TANGO6: variants seen among roughly 807,000 people sequenced by gnomAD.
TANGO6 encodes transport and Golgi organization protein 6 homolog.
A neutral mutation model predicts 114.2 loss-of-function variants in TANGO6; 90 were observed. The observed-to-expected ratio is 0.79, with a 90% CI of 0.66 to 0.94. TANGO6 has a LOEUF of 0.94. Among genes scored for constraint, TANGO6 ranks in the 40% least tolerant of loss-of-function variants. The pLI, the probability that TANGO6 is intolerant of heterozygous loss-of-function variation, is 0.00. For missense variants in TANGO6, 1,274 were observed against 1,315.3 expected (o/e 0.97, Z 0.49); for synonymous variants, 477 against 509.8 (o/e 0.94, Z 0.87).
Position 69,084,637 on chromosome 16 carries a change from C to T in TANGO6, c.*976C>T, listed in dbSNP as rs759416625. 6.6e-6 allele frequency: 1 copy of T among 152,320 alleles called. No individual in the cohort carries two copies. Among genetic ancestry groups the T allele is most frequent in the Non-Finnish European group, 1.5e-5 (1 of 68,034 alleles). The allele number at this position is 152,320 out of a possible 1,614,324, so 9.4% of individuals were successfully genotyped here. On this transcript the variant is annotated 3_prime_UTR_variant, in exon 18 of 18. Coordinates refer to ENST00000261778, the MANE Select transcript of TANGO6 (RefSeq NM_024562.2). ...TTTTGATTGCAGCTAAAAGAGATAA[C>T]AGAAAGGAGATACTGGCTGGCTGCT...
intron 1 of TANGO6, among the ~76,000 whole-genome samples, chr16:68,853,445 A>T (rs1961937492): frequency 6.6e-6 from 1 of 151,442 alleles, no homozygotes; most frequent in Non-Finnish European, 1.5e-5. Context: ...ATCATTTCCC[A>T]CTCCTGCTCC....
intron 4 of TANGO6, among the ~76,000 whole-genome samples, chr16:68,874,361 GTTTGC>G (rs1962324619): frequency 6.6e-6 from 1 of 152,152 alleles, no homozygotes; most frequent in African/African-American, 2.4e-5. Flanking sequence ...AGCTCAGTTT[GTTTGC>G]TTCCGTTCTC....
chr16:68,874,224 C>T (rs1311249084), intron 4 of TANGO6, among the ~76,000 whole-genome samples: 3 of 152,164 alleles, frequency 2.0e-5, no homozygotes, highest in African/African-American at 7.2e-5. Context: ...CTGAAAATTC[C>T]AGCTGCTTTG....
At chr16:69,074,484 C>T (rs78461450) in intron 17 of TANGO6, among the ~76,000 whole-genome samples, 3,440 of 152,136 alleles carry the variant, frequency 0.023, 55 homozygotes, top group Non-Finnish European at 0.034. Context: ...ACCCTAGATA[C>T]AATACTCGTA....
intron 17 of TANGO6, among the ~76,000 whole-genome samples, chr16:69,052,269 CTTT>C (rs34982291): frequency 2.0e-4 from 25 of 122,322 alleles, no homozygotes; most frequent in Admixed American, 2.6e-4. Context: ...TTTTTCTTTT[CTTT>C]TTTTTTTTTT....
chr16:68,947,292 A>G (rs1963423587), intron 14 of TANGO6, among the ~76,000 whole-genome samples: 1 of 152,014 alleles, frequency 6.6e-6, no homozygotes, highest in African/African-American at 2.4e-5. Context: ...CGTCTCTACT[A>G]AAATTACAAA....
intron 17 of TANGO6, among the ~76,000 whole-genome samples, chr16:69,049,875 C>A (rs908917398): frequency 6.6e-6 from 1 of 152,054 alleles, no homozygotes; most frequent in African/African-American, 2.4e-5. Context: ...GCCACCACAC[C>A]CTGCCTGGCT....
At chr16:69,049,143 C>T (rs2152236665) in intron 17 of TANGO6, among the ~76,000 whole-genome samples, 1 of 152,228 alleles carries the variant, frequency 6.6e-6, no homozygotes, top group Middle Eastern at 3.4e-3. Context: ...GCAATTTTAG[C>T]ATATTCATAA....
chr16:69,013,130 T>TA (rs916515413), intron 15 of TANGO6, among the ~76,000 whole-genome samples: 2 of 152,036 alleles, frequency 1.3e-5, no homozygotes, highest in African/African-American at 4.8e-5. Context: ...TTTTTTTTTT[T>TA]AATAGGTTAG....
intron 17 of TANGO6, among the ~76,000 whole-genome samples, chr16:69,073,976 A>G (rs79028318): frequency 2.0e-5 from 3 of 149,316 alleles, no homozygotes; most frequent in Non-Finnish European, 3.0e-5. Flanking sequence ...AAAAAAAAAA[A>G]GGCACTCGGG....
intron 15 of TANGO6, among the ~76,000 whole-genome samples, chr16:69,004,603 C>T (rs966323029): frequency 6.6e-6 from 1 of 152,144 alleles, no homozygotes; most frequent in Admixed American, 6.6e-5. Flanking sequence ...ATCCGCCCGC[C>T]TCAACCTCCC....
intron 17 of TANGO6, among the ~76,000 whole-genome samples, chr16:69,070,503 C>T (rs1036049948): frequency 2.7e-5 from 4 of 149,370 alleles, no homozygotes; most frequent in African/African-American, 7.4e-5. Flanking sequence ...CATGGAAGTG[C>T]TTGTCTGTAA....
chr16:68,909,759 A>G (rs1827621266), intron 11 of TANGO6: 1 of 161,024 alleles, frequency 6.2e-6, no homozygotes, highest in Non-Finnish European at 1.3e-5. Flanking sequence ...CTGATTCAGC[A>G]TGTCTGCATT....
intron 17 of TANGO6, among the ~76,000 whole-genome samples, chr16:69,052,628 C>G (rs1256981309): frequency 6.6e-6 from 1 of 151,942 alleles, no homozygotes; most frequent in Non-Finnish European, 1.5e-5. Context: ...AGCTTCTGTT[C>G]CAAAGGTGGA....
intron 11 of TANGO6, among the ~76,000 whole-genome samples, chr16:68,910,473 A>T (rs151159172): frequency 1.1e-4 from 16 of 152,298 alleles, no homozygotes; most frequent in Non-Finnish European, 2.1e-4. Flanking sequence ...ATGGTCTAAA[A>T]ATTGATATGA....
rs1312449914 is a variant in TANGO6, at chr16:68,930,221, G to C, written c.2644-17G>C. 1.3e-6 allele frequency: 2 copies of C among 1,550,594 alleles called. No individual in the cohort carries two copies. Among genetic ancestry groups the C allele is most frequent in the Non-Finnish European group, 8.7e-7 (1 of 1,145,734 alleles). ...GTTCTTTGTAAATCTTATCACTGCT[G>C]TATTTTGTGGTTCCAGATATTCTTG... On this transcript the variant is annotated splice_polypyrimidine_tract_variant and intron_variant, in intron 13 of 17. Coordinates refer to ENST00000261778, the MANE Select transcript of TANGO6 (RefSeq NM_024562.2).
chr16:69,083,542 G>C lies in TANGO6; in HGVS notation c.3166G>C (p.Glu1056Gln). 1 of 1,612,174 alleles carries C rather than the reference G, an allele frequency of 6.2e-7. No individual in the cohort carries two copies. Among genetic ancestry groups the C allele is most frequent in the Non-Finnish European group, 8.5e-7 (1 of 1,179,206 alleles). ...YHLLKHVVCL[E>Q]PDDVAKLHAQ... is the part of the protein sequence containing the mutation. Reference sequence around the variant, plus strand: ...CCTGCTGAAGCACGTAGTGTGTCTGGAGCCCGATGACGTGGCCAAGCTCCA... The same window carrying C: ...CCTGCTGAAGCACGTAGTGTGTCTGCAGCCCGATGACGTGGCCAAGCTCCA... Residue 1056 changes from glutamate to glutamine, a missense_variant, in exon 18 of 18, where the codon GAG becomes CAG. Coordinates refer to ENST00000261778, the MANE Select transcript of TANGO6 (RefSeq NM_024562.2).
At chr16:68,925,219 G>A (rs577157651) in intron 12 of TANGO6, among the ~76,000 whole-genome samples, 69 of 151,842 alleles carry the variant, frequency 4.5e-4, no homozygotes, top group Middle Eastern at 6.8e-3. Context: ...CTGAGGTGGG[G>A]GAATCGCTTG....
At chr16:68,918,160 A>G (rs1464437600) in intron 11 of TANGO6, among the ~76,000 whole-genome samples, 1 of 152,060 alleles carries the variant, frequency 6.6e-6, no homozygotes, top group African/African-American at 2.4e-5. Context: ...TACCCACCTC[A>G]GCCTCCCAAA....
Sources: gnomAD v4.1 joint callset for allele counts (sites outside exome capture counted in the v4.1 genomes callset) on GRCh38, gnomAD v4.1.1 for gene constraint, MANE v1.5 for transcripts, NCBI Gene and HGNC (gene_info 2026-07-23, HGNC 2026-07-21) for gene names.